Variants in ABCC4 observed in about 807,000 individuals in gnomAD.
The protein encoded by ABCC4 is ATP binding cassette subfamily C member 4 (PEL blood group).
ABCC4 carries 102 observed loss-of-function variants against 168.5 expected under a neutral mutation model. The ratio of observed to expected loss-of-function variants is 0.61; its 90% CI spans 0.52 to 0.71. The LOEUF (loss-of-function observed/expected upper bound fraction) is 0.71, where lower values mean the gene tolerates loss of function less well. Among genes scored for constraint, ABCC4 ranks in the 30% least tolerant of loss-of-function variants. The probability of loss-of-function intolerance (pLI) is 0.00; values close to 1 mark genes in which losing one functional copy is unlikely to be tolerated. For missense variants in ABCC4, 1,402 were observed against 1,605.8 expected, an observed-to-expected ratio of 0.87 and a Z score of 2.17; for synonymous variants, 617 against 590.7, an observed-to-expected ratio of 1.04 and a Z score of -0.65.
chr13:95,299,099 A>AT (rs60744820), intron 1 of ABCC4, among the ~76,000 whole-genome samples: 7 of 151,100 alleles, frequency 4.6e-5, no homozygotes, highest in East Asian at 1.9e-4. Flanking sequence ...TACAAAAAAA[A>AT]TTTTTTTTTA....
intron 25 of ABCC4, among the ~76,000 whole-genome samples, chr13:95,071,164 G>A (rs1346739323): frequency 1.3e-5 from 2 of 152,138 alleles, no homozygotes; most frequent in Non-Finnish European, 2.9e-5. Context: ...CCCCATCCAT[G>A]TGGAACTTTA....
intron 4 of ABCC4, among the ~76,000 whole-genome samples, chr13:95,218,335 G>A (rs567108956): frequency 1.1e-4 from 17 of 152,262 alleles, no homozygotes; most frequent in African/African-American, 3.9e-4. Flanking sequence ...CCAAGGACTG[G>A]CTAATATCCT....
chr13:95,096,154 C>T lies in ABCC4; in HGVS notation c.2536-12864G>A, dbSNP rs191454929. 226 of 637,952 alleles carry T rather than the reference C, an allele frequency of 3.5e-4. No individual in the cohort carries two copies. The African/African-American group carries it at 3.7e-3, about 11-fold the overall frequency. 39.5% of individuals were successfully genotyped at this position (637,952 alleles called of 1,614,324 possible). On this transcript the variant is annotated intron_variant, in intron 20 of 30. Transcript: ENST00000645237. ...TTGAGCCTAGGAGTTTGAGACCAGC[C>T]AGGACAACACAGCGAGATCCCATCT...
intron 1 of ABCC4, among the ~76,000 whole-genome samples, chr13:95,277,363 C>T (rs111331635): frequency 5.3e-5 from 8 of 152,126 alleles, no homozygotes; most frequent in African/African-American, 1.9e-4. Context: ...GGTGGATCAC[C>T]TGAGTTCAGG....
intron 26 of ABCC4, among the ~76,000 whole-genome samples, chr13:95,054,815 AG>A (rs1411299468): frequency 1.3e-5 from 2 of 152,132 alleles, no homozygotes; most frequent in East Asian, 3.9e-4. Context: ...AGAGAGATAA[AG>A]GTGGTAGACT....
intron 20 of ABCC4, among the ~76,000 whole-genome samples, chr13:95,104,468 A>G (rs980674847): frequency 1.3e-5 from 2 of 152,188 alleles, no homozygotes; most frequent in Non-Finnish European, 2.9e-5. Context: ...CACATAATAC[A>G]TCATCTATGA....
rs186647079 is a variant in ABCC4, at chr13:95,239,369, T to A, written c.307-4535A>T. On this transcript the variant is annotated intron_variant, in intron 3 of 30. Transcript: ENST00000645237. ...AAAACACTGGTGTCCTGAATCTGAT[T>A]TGGAAATACCCACATAAATTCATGA... Among the ~76,000 whole-genome samples, 14 of 152,288 alleles carry A rather than the reference T, an allele frequency of 9.2e-5. No homozygotes were observed. The East Asian group carries it at 1.5e-3, about 17-fold the overall frequency.
intron 30 of ABCC4, among the ~76,000 whole-genome samples, chr13:95,033,913 G>C (rs1359366529): frequency 6.6e-6 from 1 of 152,064 alleles, no homozygotes; most frequent in Non-Finnish European, 1.5e-5. Flanking sequence ...CTGCCTGCTT[G>C]GCCTCCCAAA....
At chr13:95,056,818 T>C (rs1750190) in intron 26 of ABCC4, among the ~76,000 whole-genome samples, 78,239 of 152,034 alleles carry the variant, frequency 0.51, 20,607 homozygotes, top group African/African-American at 0.58. Flanking sequence ...TTTGCTTTGA[T>C]AGAAAAACAA....
At chr13:95,209,642 A>G (rs2038896486) in intron 5 of ABCC4, 45 bp from the exon 6 acceptor site, 1 of 1,560,090 alleles carries the variant, frequency 6.4e-7, no homozygotes, top group East Asian at 2.3e-5. Context: ...CAGAAAAGCA[A>G]AACCAGTAAG....
chr13:95,142,309 A>G (rs184842184), intron 19 of ABCC4, among the ~76,000 whole-genome samples: 4 of 152,358 alleles, frequency 2.6e-5, no homozygotes, highest in Admixed American at 2.0e-4. Context: ...GACTATTATT[A>G]TAAGTGAAGT....
intron 20 of ABCC4, among the ~76,000 whole-genome samples, chr13:95,084,809 C>G (rs904429149): frequency 3.3e-5 from 5 of 152,202 alleles, no homozygotes; most frequent in African/African-American, 9.7e-5. Flanking sequence ...ATCACCTCAC[C>G]CAGCAAGGTG....
chr13:95,143,677 T>C (rs2036392897), intron 19 of ABCC4, among the ~76,000 whole-genome samples: 1 of 152,136 alleles, frequency 6.6e-6, no homozygotes, highest in Non-Finnish European at 1.5e-5. Flanking sequence ...TTCCACAGTA[T>C]CTCCTATGAC....
chr13:95,178,178 A>C, intron 11 of ABCC4, 87 bp from the exon 12 acceptor site: 7 of 1,171,888 alleles, frequency 6.0e-6, no homozygotes, highest in East Asian at 2.3e-5. Context: ...AGTTATCCTA[A>C]ACTTTGCACA....
At chr13:95,229,162 C>T (rs781509016) in intron 4 of ABCC4, among the ~76,000 whole-genome samples, 11 of 152,112 alleles carry the variant, frequency 7.2e-5, no homozygotes, top group Non-Finnish European at 1.3e-4. Context: ...AGGGTAACTA[C>T]AAATATTTCT....
At chr13:95,086,324 A>C (rs1461838834) in intron 20 of ABCC4, among the ~76,000 whole-genome samples, 3 of 152,226 alleles carry the variant, frequency 2.0e-5, no homozygotes, top group Non-Finnish European at 2.9e-5. Flanking sequence ...CCAGAAAACA[A>C]AATGACTTAA....
chr13:95,258,375 C>A (rs1256905091), intron 1 of ABCC4, among the ~76,000 whole-genome samples: 1 of 152,126 alleles, frequency 6.6e-6, no homozygotes, highest in Non-Finnish European at 1.5e-5. Flanking sequence ...TGTCCCCTTG[C>A]GTGCGAGCAA....
Position 95,146,282 on chromosome 13 carries a change from C to A in ABCC4, c.2455+14907G>T, listed in dbSNP as rs193212989. 1.8e-4 allele frequency among the ~76,000 whole-genome samples: 27 copies of A among 151,668 alleles called. No individual in the cohort carries two copies. In the East Asian group the frequency reaches 4.5e-3, roughly 25 times the overall value. ...TTTATGGTAGGAGGAGGGCAAGGAT[C>A]AAAAAATTACCTATCAGGTACTTTG... On this transcript the variant is annotated intron_variant, in intron 19 of 30. Transcript: ENST00000645237.
chr13:95,212,185 A>G (rs1166866865), intron 4 of ABCC4, among the ~76,000 whole-genome samples: 1 of 148,862 alleles, frequency 6.7e-6, no homozygotes, highest in African/African-American at 2.5e-5. Flanking sequence ...AAAAAAAAAA[A>G]TTAAAAAATG....
Sources: allele counts gnomAD v4.1 joint callset (sites outside exome capture counted in the v4.1 genomes callset), GRCh38; gene constraint gnomAD v4.1.1; transcripts MANE v1.5; gene names NCBI Gene and HGNC (gene_info 2026-07-23, HGNC 2026-07-21).